SLC25A21: variants seen among roughly 807,000 people sequenced by gnomAD.
SLC25A21 encodes mitochondrial 2-oxodicarboxylate carrier.
SLC25A21 carries 47 observed loss-of-function variants against 43.8 expected under a neutral mutation model. The ratio of observed to expected loss-of-function variants is 1.07; its 90% CI spans 0.85 to 1.37. The LOEUF (loss-of-function observed/expected upper bound fraction) is 1.37, where lower values mean the gene tolerates loss of function less well. Ranked by LOEUF, SLC25A21 falls within the 40% of genes most tolerant of loss-of-function variation. The pLI, the probability that SLC25A21 is intolerant of heterozygous loss-of-function variation, is 0.00. For missense variants in SLC25A21, 352 were observed against 350.2 expected (o/e 1.00, Z -0.04); for synonymous variants, 131 against 121.3 (o/e 1.08, Z -0.52).
intron 2 of SLC25A21, among the ~76,000 whole-genome samples, chr14:36,848,920 A>G (rs556591105): frequency 6.6e-6 from 1 of 152,132 alleles, no homozygotes; most frequent in Non-Finnish European, 1.5e-5. Flanking sequence ...TGTTTTTGCA[A>G]CCTGATAAAA....
In SLC25A21 at chr14:36,711,493, G is replaced by A. The variant is rs754580121; in HGVS notation, c.439-11C>T. ...CACAGTGGATGGTTGCTGCAGAAGA[G>A]AGAAGCAAGGCCAGAATGATCATCT... On this transcript the variant is annotated splice_polypyrimidine_tract_variant and intron_variant, in intron 6 of 9. Transcript: ENST00000331299. The A allele has an allele frequency of 5.0e-6, 8 of 1,612,094 alleles. No homozygotes were observed. In the South Asian group the frequency reaches 5.5e-5, roughly 11 times the overall value.
intron 2 of SLC25A21, among the ~76,000 whole-genome samples, chr14:36,855,395 C>T (rs1172010405): frequency 6.6e-6 from 1 of 152,100 alleles, no homozygotes; most frequent in Non-Finnish European, 1.5e-5. Flanking sequence ...GAGGCAATGA[C>T]ACTGGATATT....
chr14:36,956,720 C>T (rs182948041), intron 1 of SLC25A21, among the ~76,000 whole-genome samples: 2 of 151,800 alleles, frequency 1.3e-5, no homozygotes, highest in Non-Finnish European at 2.9e-5. Flanking sequence ...AATTAACTTA[C>T]GAATAATGGG....
chr14:36,856,035 CAA>C (rs1184902085), intron 2 of SLC25A21, among the ~76,000 whole-genome samples: 1 of 152,080 alleles, frequency 6.6e-6, no homozygotes, highest in Admixed American at 6.6e-5. Flanking sequence ...TTATCTGGAC[CAA>C]AGTGTCAATA....
intron 7 of SLC25A21, 41 bp downstream of exon 7, chr14:36,711,277 T>C (rs1393759859): frequency 1.9e-6 from 3 of 1,588,728 alleles, no homozygotes; most frequent in Admixed American, 3.4e-5. Flanking sequence ...TCATCACTGA[T>C]AGGATTTTTC....
At chr14:36,981,806 G>A (rs1960031557) in intron 1 of SLC25A21, among the ~76,000 whole-genome samples, 1 of 152,040 alleles carries the variant, frequency 6.6e-6, no homozygotes, top group Admixed American at 6.6e-5. Context: ...CCTGCACCTT[G>A]TGCACATGTA....
intron 1 of SLC25A21, chr14:37,171,982 A>T (rs1964137705): frequency 2.4e-6 from 1 of 419,700 alleles, no homozygotes; most frequent in East Asian, 3.6e-5. Context: ...GACCGCCTCA[A>T]AGTCGCTGCC....
rs114612551 is a variant in SLC25A21 at position 36,758,471 on chromosome 14, C to T, written c.204-23898G>A. ...TTTATAATTCAGATGTCTCCAACAACGCAGCCAATTAGTCAGGACTCCGGG... is the reference window on the plus strand; with the variant it reads ...TTTATAATTCAGATGTCTCCAACAATGCAGCCAATTAGTCAGGACTCCGGG... On this transcript the variant is annotated intron_variant, in intron 3 of 9. Transcript: ENST00000331299. Among the ~76,000 whole-genome samples the T allele has an allele frequency of 5.7e-3, 872 of 151,770 alleles. 6 individuals carry two copies. Among genetic ancestry groups the T allele is most frequent in the African/African-American group, 0.02 (827 of 41,392 alleles).
At chr14:37,159,373 A>G (rs1217251380) in intron 1 of SLC25A21, among the ~76,000 whole-genome samples, 1 of 152,230 alleles carries the variant, frequency 6.6e-6, no homozygotes, top group Non-Finnish European at 1.5e-5. Flanking sequence ...TGGTATGAAA[A>G]GAGACATATA....
chr14:36,770,179 C>T (rs1338235536), intron 3 of SLC25A21, among the ~76,000 whole-genome samples: 2 of 152,164 alleles, frequency 1.3e-5, no homozygotes, highest in African/African-American at 4.8e-5. Context: ...CCATGGAATA[C>T]CGCACAGCCA....
chr14:36,758,997 G>A (rs1886041404), intron 3 of SLC25A21, among the ~76,000 whole-genome samples: 2 of 152,114 alleles, frequency 1.3e-5, no homozygotes, highest in African/African-American at 2.4e-5. Context: ...GAGACACATG[G>A]GCATTTTCGT....
chr14:37,146,463 T>C (rs1261806045), intron 1 of SLC25A21, among the ~76,000 whole-genome samples: 3 of 152,144 alleles, frequency 2.0e-5, no homozygotes, highest in Non-Finnish European at 4.4e-5. Flanking sequence ...CCCAGCCTGG[T>C]CTCTAACTCC....
intron 1 of SLC25A21, among the ~76,000 whole-genome samples, chr14:36,968,804 G>C (rs1959679709): frequency 6.6e-6 from 1 of 152,130 alleles, no homozygotes; most frequent in African/African-American, 2.4e-5. Flanking sequence ...CATTCCATCT[G>C]GCCATAAAGT....
intron 3 of SLC25A21, among the ~76,000 whole-genome samples, chr14:36,754,553 A>G (rs1885850808): frequency 6.6e-6 from 1 of 152,226 alleles, no homozygotes; most frequent in Non-Finnish European, 1.5e-5. Context: ...GAACCTAAGT[A>G]GCTTATCTAC....
chr14:37,147,531 G>A (rs1032887181), intron 1 of SLC25A21, among the ~76,000 whole-genome samples: 2 of 151,802 alleles, frequency 1.3e-5, no homozygotes, highest in Admixed American at 6.6e-5. Flanking sequence ...AACCTCCAGG[G>A]AAGCTAGCCT....
intron 3 of SLC25A21, among the ~76,000 whole-genome samples, chr14:36,764,572 C>CAAAAA (rs1566589047): frequency 8.1e-6 from 1 of 123,452 alleles, no homozygotes; most frequent in Non-Finnish European, 1.8e-5. Context: ...CAAAACAAAA[C>CAAAAA]AAAACAAAAA....
intron 6 of SLC25A21, among the ~76,000 whole-genome samples, chr14:36,714,878 C>T (rs1884056432): frequency 6.6e-6 from 1 of 152,180 alleles, no homozygotes; most frequent in Non-Finnish European, 1.5e-5. Context: ...GACTCCAAAT[C>T]TGTACTTTTA....
At chr14:37,106,939 C>T (rs1000187851) in intron 1 of SLC25A21, among the ~76,000 whole-genome samples, 16 of 152,212 alleles carry the variant, frequency 1.1e-4, no homozygotes, top group African/African-American at 2.4e-4. Flanking sequence ...CGGGTTCCCC[C>T]GATAGTTTAC....
intron 3 of SLC25A21, among the ~76,000 whole-genome samples, chr14:36,780,310 T>G (rs1887006359): frequency 6.6e-6 from 1 of 152,044 alleles, no homozygotes; most frequent in Non-Finnish European, 1.5e-5. Flanking sequence ...TTTTCTATTG[T>G]TTTTTCATCT....
Sources: allele counts gnomAD v4.1 joint callset (sites outside exome capture counted in the v4.1 genomes callset), GRCh38; gene constraint gnomAD v4.1.1; transcripts MANE v1.5; gene names NCBI Gene and HGNC (gene_info 2026-07-23, HGNC 2026-07-21).